The following FNBP1L variants were observed in gnomAD, a reference collection of about 807,000 sequenced individuals.
FNBP1L encodes the protein formin-binding protein 1-like.
Under a neutral mutation model 91.2 loss-of-function variants are expected in FNBP1L, and 36 were observed. The observed-to-expected ratio is 0.39, with a 90% confidence interval of 0.30 to 0.52. FNBP1L has a LOEUF of 0.52. Among genes scored for constraint, FNBP1L ranks in the 20% least tolerant of loss-of-function variants. The pLI is 0.66. For synonymous variants in FNBP1L, 242 were observed against 237.0 expected, an observed-to-expected ratio of 1.02 and a Z score of -0.19; for missense variants, 571 against 732.1, an observed-to-expected ratio of 0.78 and a Z score of 2.54.
intron 2 of FNBP1L, among the ~76,000 whole-genome samples, chr1:93,506,971 G>A (rs1206677842): frequency 6.6e-6 from 1 of 151,388 alleles, no homozygotes; most frequent in Non-Finnish European, 1.5e-5. Flanking sequence ...ACTAAATTTA[G>A]AAGCCTTCTC....
At chr1:93,552,288 T>G in intron 16 of FNBP1L, 121 bp from the exon 17 acceptor site, 1 of 1,473,322 alleles carries the variant, frequency 6.8e-7, no homozygotes, top group Non-Finnish European at 9.0e-7. Context: ...TCCTGGTGTT[T>G]TCGGTAGCTG....
At chr1:93,500,194 G>C in intron 2 of FNBP1L, among the ~76,000 whole-genome samples, 1 of 152,152 alleles carries the variant, frequency 6.6e-6, no homozygotes, top group East Asian at 1.9e-4. Context: ...TTTAGCTGTA[G>C]GGTTTAGGAT....
intron 2 of FNBP1L, among the ~76,000 whole-genome samples, chr1:93,520,914 C>A (rs745766425): frequency 1.3e-5 from 2 of 152,056 alleles, no homozygotes; most frequent in African/African-American, 4.8e-5. Flanking sequence ...TGGTGGCATG[C>A]ACCTGTAATC....
chr1:93,462,145 T>C (rs1668889047), intron 1 of FNBP1L, among the ~76,000 whole-genome samples: 1 of 152,188 alleles, frequency 6.6e-6, no homozygotes, highest in African/African-American at 2.4e-5. Context: ...AGAAATTTAT[T>C]TTGTGAGTAG....
At chr1:93,477,365 C>T (rs528731458) in intron 1 of FNBP1L, among the ~76,000 whole-genome samples, 3 of 152,268 alleles carry the variant, frequency 2.0e-5, no homozygotes, top group South Asian at 4.2e-4. Context: ...TGTTTATAAG[C>T]AACAACTGCT....
chr1:93,507,327 T>C lies in FNBP1L; in HGVS notation c.140+7744T>C, dbSNP rs531050045. Reference sequence around the variant, plus strand: ...ACACATAAACTGCTATCATAATTGGTGGAAAACCTGGATTTAGAGAGGGGT... The same window carrying C: ...ACACATAAACTGCTATCATAATTGGCGGAAAACCTGGATTTAGAGAGGGGT... On this transcript the variant is annotated intron_variant, in intron 2 of 16. Coordinates refer to ENST00000271234, the MANE Select transcript of FNBP1L (RefSeq NM_001164473.3). Among the ~76,000 whole-genome samples the C allele has an allele frequency of 4.6e-5, 7 of 152,228 alleles. No individual in the cohort carries two copies. The South Asian group carries it at 1.5e-3, about 32-fold the overall frequency.
chr1:93,521,167 G>T (rs1412391709), intron 2 of FNBP1L, among the ~76,000 whole-genome samples: 1 of 152,168 alleles, frequency 6.6e-6, no homozygotes, highest in African/African-American at 2.4e-5. Context: ...ATTTTGAAAA[G>T]ATGAAATAAG....
chr1:93,497,126 A>T (rs952129270), intron 1 of FNBP1L, among the ~76,000 whole-genome samples: 9 of 151,020 alleles, frequency 6.0e-5, no homozygotes, highest in Non-Finnish European at 8.9e-5. Context: ...CGCCTGGCTA[A>T]TTTTTTTTTG....
At chr1:93,482,464 G>A (rs960954124) in intron 1 of FNBP1L, among the ~76,000 whole-genome samples, 1 of 152,198 alleles carries the variant, frequency 6.6e-6, no homozygotes, top group South Asian at 2.1e-4. Flanking sequence ...AGTACTTCAT[G>A]TGCAGTATAA....
chr1:93,451,820 T>A (rs1469299481), intron 1 of FNBP1L, among the ~76,000 whole-genome samples: 2 of 151,966 alleles, frequency 1.3e-5, no homozygotes, highest in Non-Finnish European at 2.9e-5. Flanking sequence ...CCCGACTAAT[T>A]TTTGTATTTT....
At chr1:93,510,941 A>C (rs1159419974) in intron 2 of FNBP1L, among the ~76,000 whole-genome samples, 1 of 152,174 alleles carries the variant, frequency 6.6e-6, no homozygotes, top group Non-Finnish European at 1.5e-5. Flanking sequence ...GCCTCGAAGA[A>C]ATATGGGACT....
intron 2 of FNBP1L, among the ~76,000 whole-genome samples, chr1:93,515,619 C>G (rs1671068183): frequency 6.6e-6 from 1 of 151,866 alleles, no homozygotes; most frequent in African/African-American, 2.4e-5. Flanking sequence ...TTTGTAGGGA[C>G]ATGGATGAAA....
intron 3 of FNBP1L, among the ~76,000 whole-genome samples, chr1:93,522,492 CTGAT>C (rs143116609): frequency 0.02 from 2,986 of 152,190 alleles, 44 homozygotes; most frequent in Non-Finnish European, 0.033. Flanking sequence ...AACAATTTGA[CTGAT>C]TGGTATAAAG....
intron 10 of FNBP1L, among the ~76,000 whole-genome samples, chr1:93,538,916 A>G (rs1425067072): frequency 6.6e-6 from 1 of 152,004 alleles, no homozygotes; most frequent in Non-Finnish European, 1.5e-5. Flanking sequence ...TAAATTAAGG[A>G]TATGAAAAAT....
At chr1:93,499,322 A>AAG in intron 1 of FNBP1L, 146 bp from the exon 2 acceptor site, 1 of 629,016 alleles carries the variant, frequency 1.6e-6, no homozygotes, top group South Asian at 1.9e-5. Flanking sequence ...TAGGTCTTAA[A>AAG]GGGTGAAGTG....
intron 2 of FNBP1L, among the ~76,000 whole-genome samples, chr1:93,520,868 C>G (rs1213253575): frequency 6.6e-6 from 1 of 152,066 alleles, no homozygotes; most frequent in Non-Finnish European, 1.5e-5. Context: ...GTGGTGAAAC[C>G]CTATCTCTAC....
intron 5 of FNBP1L, among the ~76,000 whole-genome samples, chr1:93,529,169 A>G (rs1314781120): frequency 6.6e-6 from 1 of 152,062 alleles, no homozygotes; most frequent in Non-Finnish European, 1.5e-5. Flanking sequence ...CACCAAACCA[A>G]AAAAGTCCTC....
intron 1 of FNBP1L, among the ~76,000 whole-genome samples, chr1:93,486,332 A>G (rs746002034): frequency 4.6e-5 from 7 of 152,182 alleles, no homozygotes; most frequent in Non-Finnish European, 8.8e-5. Flanking sequence ...GCATGTTGAG[A>G]TGTGCCCAGC....
At chr1:93,463,196 G>A (rs1364944121) in intron 1 of FNBP1L, among the ~76,000 whole-genome samples, 3 of 152,110 alleles carry the variant, frequency 2.0e-5, no homozygotes, top group Admixed American at 6.5e-5. Context: ...GGGACTGTAA[G>A]ATATGTGATC....
Sources: gnomAD v4.1 joint callset for allele counts (sites outside exome capture counted in the v4.1 genomes callset) on GRCh38, gnomAD v4.1.1 for gene constraint, MANE v1.5 for transcripts, NCBI Gene and HGNC (gene_info 2026-07-23, HGNC 2026-07-21) for gene names.